NBEA: variants seen among roughly 807,000 people sequenced by gnomAD.
NBEA encodes the protein neurobeachin, also known as lysosomal-trafficking regulator 2.
In NBEA, 44 loss-of-function variants were observed where a neutral mutation model predicts 343.4. The ratio of observed to expected loss-of-function variants is 0.13; its 90% CI spans 0.10 to 0.16. NBEA has a LOEUF of 0.16. Ranked by LOEUF, NBEA falls within the 10% of genes least tolerant of loss-of-function variation. The pLI is 1.00. For missense variants in NBEA, 2,555 were observed against 3,631.3 expected (o/e 0.70, Z 7.62); for synonymous variants, 1,175 against 1,238.7 (o/e 0.95, Z 1.08).
chr13:35,081,609 A>G (rs2064403774), intron 10 of NBEA, among the ~76,000 whole-genome samples: 1 of 152,062 alleles, frequency 6.6e-6, no homozygotes, highest in African/African-American at 2.4e-5. Context: ...CATTTGAGAA[A>G]ACAGTTTGGA....
intron 36 of NBEA, among the ~76,000 whole-genome samples, chr13:35,326,526 G>A (rs1279228658): frequency 1.3e-5 from 2 of 151,932 alleles, no homozygotes; most frequent in Non-Finnish European, 2.9e-5. Context: ...TTAGTTCCAG[G>A]AGCCTTTTGG....
chr13:35,212,083 T>C (rs1210777454), intron 33 of NBEA, among the ~76,000 whole-genome samples: 1 of 152,074 alleles, frequency 6.6e-6, no homozygotes, highest in Non-Finnish European at 1.5e-5. Flanking sequence ...TAAAAGCTTA[T>C]TGAAAGAATG....
At chr13:35,000,523 A>G (rs1215295899) in intron 1 of NBEA, among the ~76,000 whole-genome samples, 2 of 151,756 alleles carry the variant, frequency 1.3e-5, no homozygotes, top group Non-Finnish European at 2.9e-5. Context: ...AACATTTTAC[A>G]TGGATTATAA....
chr13:35,179,419 A>C (rs1593631356), intron 28 of NBEA, among the ~76,000 whole-genome samples: 1 of 151,660 alleles, frequency 6.6e-6, no homozygotes, highest in Non-Finnish European at 1.5e-5. Flanking sequence ...AAGTCAATTA[A>C]TTTGTATAAA....
At chr13:35,376,260 T>C (rs576491597) in intron 38 of NBEA, among the ~76,000 whole-genome samples, 1 of 152,300 alleles carries the variant, frequency 6.6e-6, no homozygotes, top group South Asian at 2.1e-4. Flanking sequence ...TTCATTGATA[T>C]GATTTCCTTA....
At chr13:35,581,814 C>T (rs926793097) in intron 45 of NBEA, among the ~76,000 whole-genome samples, 3 of 144,090 alleles carry the variant, frequency 2.1e-5, no homozygotes, top group Admixed American at 7.1e-5. Flanking sequence ...AGCGCACCAG[C>T]ATGGCACATG....
chr13:35,422,281 A>C (rs1357526054), intron 38 of NBEA, among the ~76,000 whole-genome samples: 2 of 149,258 alleles, frequency 1.3e-5, no homozygotes, highest in South Asian at 2.2e-4. Flanking sequence ...TATACCTCCT[A>C]ATGCTATCCT....
chr13:35,476,980 A>ACCTGCT (rs1402096240), intron 41 of NBEA: 1 of 214,692 alleles, frequency 4.7e-6, no homozygotes, highest in East Asian at 1.9e-4. Flanking sequence ...TGTGCCGAAA[A>ACCTGCT]CCTGCTTGTC....
chr13:35,589,227 A>C (rs1001543178), intron 46 of NBEA, among the ~76,000 whole-genome samples: 1 of 152,124 alleles, frequency 6.6e-6, no homozygotes, highest in African/African-American at 2.4e-5. Flanking sequence ...GAAGAGAAAT[A>C]GGAGAAAATA....
chr13:35,147,967 T>C (rs1261508538), intron 18 of NBEA, among the ~76,000 whole-genome samples: 2 of 152,336 alleles, frequency 1.3e-5, no homozygotes, highest in East Asian at 3.9e-4. Context: ...CACCCCATTT[T>C]CTGAAAGAGA....
At chr13:34,954,677 G>T (rs537700456) in intron 1 of NBEA, among the ~76,000 whole-genome samples, 24 of 152,224 alleles carry the variant, frequency 1.6e-4, no homozygotes, top group African/African-American at 5.5e-4. Flanking sequence ...CAAGTCGTTT[G>T]TATAAAATGG....
At chr13:35,106,434 G>A (rs1227162788) in intron 11 of NBEA, among the ~76,000 whole-genome samples, 2 of 151,748 alleles carry the variant, frequency 1.3e-5, no homozygotes, top group African/African-American at 4.8e-5. Context: ...CATTAATTCA[G>A]TTAAACATTT....
chr13:35,310,380 CA>C (rs1325908945), intron 36 of NBEA, among the ~76,000 whole-genome samples: 3 of 152,112 alleles, frequency 2.0e-5, no homozygotes, highest in African/African-American at 7.2e-5. Flanking sequence ...TTTATCCGGT[CA>C]GTGGCAAAAC....
chr13:35,069,898 A>G lies in NBEA; in HGVS notation c.1240-10A>G, dbSNP rs778291241. On this transcript the variant is annotated splice_polypyrimidine_tract_variant and intron_variant, in intron 8 of 58. Coordinates refer to ENST00000379939, the MANE Select transcript of NBEA (RefSeq NM_001385012.1). ...TAAAAAGAGTGTTTACCTTAGTTTT[A>G]TTTTTTCAGAGTACCTTCAAGTTTA... The G allele has an allele frequency of 2.6e-6, 4 of 1,547,126 alleles. No homozygotes were observed. Among genetic ancestry groups the G allele is most frequent in the Non-Finnish European group, 3.5e-6 (4 of 1,144,334 alleles).
intron 36 of NBEA, among the ~76,000 whole-genome samples, chr13:35,342,429 A>C (rs1425750730): frequency 6.6e-6 from 1 of 152,072 alleles, no homozygotes; most frequent in Non-Finnish European, 1.5e-5. Context: ...ATAATTTTAG[A>C]TGGTTTATCC....
intron 41 of NBEA, among the ~76,000 whole-genome samples, chr13:35,522,686 GA>G (rs1594874570): frequency 6.6e-6 from 1 of 152,032 alleles, no homozygotes; most frequent in East Asian, 2.0e-4. Context: ...ACTGCTGCCT[GA>G]GCTCCACCTC....
chr13:35,652,795 C>T (rs1418442520), intron 53 of NBEA, among the ~76,000 whole-genome samples: 9 of 135,380 alleles, frequency 6.6e-5, no homozygotes, highest in Non-Finnish European at 4.7e-5. Context: ...CCCGGGTTCA[C>T]GCCATTCTCC....
chr13:34,944,061 G>GGTTTT lies in NBEA; in HGVS notation c.294+968_294+972dup, dbSNP rs749105230. 2.0e-4 allele frequency among the ~76,000 whole-genome samples: 30 copies of GGTTTT among 152,234 alleles called. No homozygotes were observed. The East Asian group carries it at 2.7e-3, about 14-fold the overall frequency. The stretch of plus-strand genomic sequence containing the variant: ...TCATATTTAGTGCTTTGTAAATGGA[G>GGTTTT]GTTTTGTTTTGTTTTGTTTTGTTTT... On this transcript the variant is annotated intron_variant, in intron 1 of 58. Transcript: ENST00000379939.
intron 35 of NBEA, among the ~76,000 whole-genome samples, chr13:35,301,299 C>A (rs147769273): frequency 6.6e-6 from 1 of 152,012 alleles, no homozygotes; most frequent in East Asian, 1.9e-4. Flanking sequence ...TTTTAAGCTC[C>A]GCATGCATTA....
Sources: gnomAD v4.1 joint callset for allele counts (sites outside exome capture counted in the v4.1 genomes callset) on GRCh38, gnomAD v4.1.1 for gene constraint, MANE v1.5 for transcripts, NCBI Gene and HGNC (gene_info 2026-07-23, HGNC 2026-07-21) for gene names.